The following NBEA variants were observed in gnomAD, a reference collection of about 807,000 sequenced individuals.
The protein encoded by NBEA is lysosomal-trafficking regulator 2.
A neutral mutation model predicts 343.4 loss-of-function variants in NBEA; 44 were observed. The observed-to-expected ratio is 0.13, with a 90% confidence interval of 0.10 to 0.16. The LOEUF (loss-of-function observed/expected upper bound fraction) is 0.16, where lower values mean the gene tolerates loss of function less well. Among genes scored for constraint, NBEA ranks in the 10% least tolerant of loss-of-function variants. NBEA has a pLI of 1.00. For missense variants in NBEA, 2,555 were observed against 3,631.3 expected (o/e 0.70, Z 7.62); for synonymous variants, 1,175 against 1,238.7 (o/e 0.95, Z 1.08).
At chr13:35,182,258 T>C (rs2071368043) in intron 28 of NBEA, 102 bp from the exon 29 acceptor site, 1 of 764,118 alleles carries the variant, frequency 1.3e-6, no homozygotes, top group Non-Finnish European at 1.9e-6. Context: ...TTACATATCA[T>C]ATTTTGCCTC....
chr13:35,022,916 G>C (rs897599035), intron 1 of NBEA, among the ~76,000 whole-genome samples: 5 of 151,960 alleles, frequency 3.3e-5, no homozygotes, highest in African/African-American at 1.2e-4. Flanking sequence ...TTTTATCTCT[G>C]TATAATTTCA....
At chr13:35,451,996 G>A (rs2046336126) in intron 39 of NBEA, 96 bp from the exon 40 acceptor site, 1 of 850,600 alleles carries the variant, frequency 1.2e-6, no homozygotes, top group South Asian at 1.8e-5. Context: ...TGTAAATGCA[G>A]CATATAATTT....
At chr13:35,118,569 T>C in intron 16 of NBEA, 95 bp downstream of exon 16, 12 of 943,144 alleles carry the variant, frequency 1.3e-5, no homozygotes, top group Non-Finnish European at 1.9e-5. Context: ...TGAATAAATA[T>C]AGCAAAGTCT....
intron 48 of NBEA, among the ~76,000 whole-genome samples, chr13:35,627,846 A>G: frequency 6.6e-6 from 1 of 152,146 alleles, no homozygotes; most frequent in East Asian, 1.9e-4. Flanking sequence ...AGCATTTTAG[A>G]AAGGGAAAAT....
At chr13:35,156,015 G>A in intron 19 of NBEA, 68 bp from the exon 20 acceptor site, 1 of 1,494,168 alleles carries the variant, frequency 6.7e-7, no homozygotes, top group Non-Finnish European at 9.0e-7. Flanking sequence ...TTTGAAAGTT[G>A]GTAATACTTT....
chr13:35,327,710 C>T (rs2038662459), intron 36 of NBEA, among the ~76,000 whole-genome samples: 1 of 151,740 alleles, frequency 6.6e-6, no homozygotes, highest in African/African-American at 2.4e-5. Context: ...TCTATTGTAC[C>T]CCAAACCTCA....
intron 17 of NBEA, among the ~76,000 whole-genome samples, chr13:35,141,277 T>C (rs940477553): frequency 6.6e-6 from 1 of 152,070 alleles, no homozygotes; most frequent in African/African-American, 2.4e-5. Flanking sequence ...TGTTTTTTTG[T>C]TTTTTTCTTG....
At chr13:35,256,367 A>T (rs1844755161) in intron 34 of NBEA, among the ~76,000 whole-genome samples, 1 of 152,110 alleles carries the variant, frequency 6.6e-6, no homozygotes, top group African/African-American at 2.4e-5. Context: ...CTCAGAAGGG[A>T]GGAAGCTCAT....
At chr13:34,970,369 T>C (rs1177421043) in intron 1 of NBEA, among the ~76,000 whole-genome samples, 1 of 152,164 alleles carries the variant, frequency 6.6e-6, no homozygotes, top group Non-Finnish European at 1.5e-5. Flanking sequence ...CTGTTGATAG[T>C]TTCTTTTGCT....
chr13:35,592,744 G>A (rs2153043388), intron 46 of NBEA, among the ~76,000 whole-genome samples: 1 of 152,144 alleles, frequency 6.6e-6, no homozygotes, highest in Admixed American at 6.6e-5. Context: ...AAATTAGGTA[G>A]TTTAGACTCT....
chr13:35,381,550 T>C (rs1268641927), intron 38 of NBEA, among the ~76,000 whole-genome samples: 1 of 152,088 alleles, frequency 6.6e-6, no homozygotes, highest in East Asian at 1.9e-4. Flanking sequence ...CCAGGCTTCT[T>C]TGAGAAACAT....
chr13:35,321,876 C>A (rs747283174), intron 36 of NBEA, among the ~76,000 whole-genome samples: 9 of 152,196 alleles, frequency 5.9e-5, no homozygotes, highest in Non-Finnish European at 1.3e-4. Flanking sequence ...TGAAACTTCC[C>A]GGTGGCTTTG....
intron 41 of NBEA, among the ~76,000 whole-genome samples, chr13:35,483,791 C>T (rs1406618060): frequency 6.6e-6 from 1 of 152,018 alleles, no homozygotes; most frequent in Non-Finnish European, 1.5e-5. Flanking sequence ...TCTTAATAAT[C>T]TCAAACCATC....
intron 34 of NBEA, among the ~76,000 whole-genome samples, chr13:35,287,162 T>G (rs2035480071): frequency 6.6e-6 from 1 of 152,218 alleles, no homozygotes; most frequent in South Asian, 2.1e-4. Flanking sequence ...CATTTTATAC[T>G]GCTAAGCTGT....
At chr13:35,631,857 T>C (rs769705115) in intron 49 of NBEA, among the ~76,000 whole-genome samples, 8 of 152,248 alleles carry the variant, frequency 5.3e-5, no homozygotes, top group East Asian at 1.9e-4. Context: ...AGATTGAAAA[T>C]TGACATTCTT....
intron 34 of NBEA, among the ~76,000 whole-genome samples, chr13:35,243,283 A>G (rs1251009987): frequency 6.6e-6 from 1 of 151,918 alleles, no homozygotes; most frequent in Admixed American, 6.6e-5. Flanking sequence ...AAATTACACG[A>G]AAGAACAAGA....
chr13:35,651,113 C>T (rs9544894), intron 52 of NBEA, among the ~76,000 whole-genome samples: 19,685 of 152,104 alleles, frequency 0.13, 1,384 homozygotes, highest in South Asian at 0.19. Flanking sequence ...AGAAAAACTA[C>T]AAAGGACTAA....
At chr13:35,610,860 T>C (rs1483510835) in intron 48 of NBEA, among the ~76,000 whole-genome samples, 1 of 151,952 alleles carries the variant, frequency 6.6e-6, no homozygotes, top group African/African-American at 2.4e-5. Context: ...TAAAACAATA[T>C]TTAGATAATT....
At chr13:35,342,410 G>A (rs2039637482) in intron 36 of NBEA, among the ~76,000 whole-genome samples, 1 of 151,802 alleles carries the variant, frequency 6.6e-6, no homozygotes, top group African/African-American at 2.4e-5. Context: ...TGAACTTTTA[G>A]CGATAACCAT....
Sources: gnomAD v4.1 joint callset for allele counts (sites outside exome capture counted in the v4.1 genomes callset) on GRCh38, gnomAD v4.1.1 for gene constraint, MANE v1.5 for transcripts, NCBI Gene and HGNC (gene_info 2026-07-23, HGNC 2026-07-21) for gene names.